LRP1B: variants seen among roughly 807,000 people sequenced by gnomAD.
The protein encoded by LRP1B is LDL receptor related protein 1B, also known as low-density lipoprotein receptor-related protein 1B.
Under a neutral mutation model 556.6 loss-of-function variants are expected in LRP1B, and 217 were observed. The ratio of observed to expected loss-of-function variants is 0.39; its 90% CI spans 0.35 to 0.44. The LOEUF (loss-of-function observed/expected upper bound fraction) is 0.44. Ranked by LOEUF, LRP1B falls within the 20% of genes least tolerant of loss-of-function variation. LRP1B has a pLI of 1.00. For synonymous variants in LRP1B, 2,047 were observed against 1,865.8 expected (o/e 1.10, Z -2.50); for missense variants, 5,053 against 5,620.8 (o/e 0.90, Z 3.23).
At chr2:142,031,377 G>A (rs561900694) in intron 1 of LRP1B, among the ~76,000 whole-genome samples, 27 of 110,188 alleles carry the variant, frequency 2.5e-4, no homozygotes, top group Middle Eastern at 5.7e-3. Flanking sequence ...GGGTACATGT[G>A]CACATTGTGC....
chr2:140,890,179 T>C (rs537057965), intron 23 of LRP1B, among the ~76,000 whole-genome samples: 43 of 87,232 alleles, frequency 4.9e-4, no homozygotes, highest in Middle Eastern at 8.6e-3. Flanking sequence ...GTGTTAAATG[T>C]TGCTTAAAAA....
chr2:140,514,937 C>CT (rs1689826313), intron 50 of LRP1B, among the ~76,000 whole-genome samples, 165 bp from the exon 51 acceptor site: 2 of 151,936 alleles, frequency 1.3e-5, no homozygotes, highest in African/African-American at 4.8e-5. Context: ...TTGGCATCAG[C>CT]TTGCATATTC....
chr2:140,651,705 A>T (rs1034096334), intron 41 of LRP1B, among the ~76,000 whole-genome samples: 2 of 152,106 alleles, frequency 1.3e-5, no homozygotes, highest in African/African-American at 4.8e-5. Context: ...CATGACCTAG[A>T]ATAGTTGCAG....
intron 7 of LRP1B, among the ~76,000 whole-genome samples, chr2:141,081,521 G>A (rs916282663): frequency 6.6e-6 from 1 of 152,124 alleles, no homozygotes; most frequent in Admixed American, 6.5e-5. Flanking sequence ...AACAGTTGGG[G>A]GTGATGATAG....
At chr2:141,187,663 T>C (rs922273374) in intron 7 of LRP1B, among the ~76,000 whole-genome samples, 10 of 152,016 alleles carry the variant, frequency 6.6e-5, no homozygotes, top group African/African-American at 2.4e-4. Flanking sequence ...ATTTGTAAAA[T>C]AAAAGCATAA....
intron 1 of LRP1B, among the ~76,000 whole-genome samples, chr2:142,059,292 G>A (rs1310350543): frequency 1.3e-5 from 2 of 151,938 alleles, no homozygotes; most frequent in Non-Finnish European, 2.9e-5. Context: ...GAATTTTTTG[G>A]TATGGAAATT....
chr2:141,392,209 T>G (rs1024525596), intron 3 of LRP1B, among the ~76,000 whole-genome samples: 4 of 152,136 alleles, frequency 2.6e-5, no homozygotes, highest in African/African-American at 9.7e-5. Flanking sequence ...CTATATTATT[T>G]TACAGATATG....
chr2:141,704,347 T>C (rs942143716), intron 2 of LRP1B, among the ~76,000 whole-genome samples: 2 of 151,978 alleles, frequency 1.3e-5, no homozygotes, highest in Non-Finnish European at 2.9e-5. Flanking sequence ...TAAGGGTGGT[T>C]TAAAAGATCA....
At chr2:140,680,126 C>T (rs1044158747) in intron 41 of LRP1B, among the ~76,000 whole-genome samples, 1 of 151,988 alleles carries the variant, frequency 6.6e-6, no homozygotes, top group African/African-American at 2.4e-5. Context: ...CCAGGGCCCA[C>T]TTAAGAGTAA....
intron 1 of LRP1B, among the ~76,000 whole-genome samples, chr2:142,068,279 T>C: frequency 6.6e-6 from 1 of 151,478 alleles, no homozygotes; most frequent in East Asian, 1.9e-4. Flanking sequence ...TAGGTGCTTT[T>C]ACATTTACTT....
intron 82 of LRP1B, among the ~76,000 whole-genome samples, chr2:140,319,289 A>G (rs1679955137): frequency 6.6e-6 from 1 of 152,162 alleles, no homozygotes; most frequent in Non-Finnish European, 1.5e-5. Flanking sequence ...ATCAGAGCCA[A>G]TGTAAAAGTC....
chr2:140,939,885 A>T (rs1326963027), intron 20 of LRP1B, among the ~76,000 whole-genome samples: 4 of 132,646 alleles, frequency 3.0e-5, no homozygotes, highest in Non-Finnish European at 6.3e-5. Context: ...ATTTGGTGTA[A>T]TTTTTTTTTT....
At chr2:141,168,547 A>C (rs760124645) in intron 7 of LRP1B, among the ~76,000 whole-genome samples, 3 of 152,146 alleles carry the variant, frequency 2.0e-5, no homozygotes, top group Admixed American at 6.6e-5. Flanking sequence ...TTTGCAATTC[A>C]GTCTGTCAAA....
chr2:140,618,361 A>G (rs182213839), intron 41 of LRP1B, among the ~76,000 whole-genome samples: 113 of 152,210 alleles, frequency 7.4e-4, no homozygotes, highest in South Asian at 1.2e-3. Context: ...ATGGCACAAG[A>G]TGTAAAAACC....
intron 1 of LRP1B, among the ~76,000 whole-genome samples, chr2:142,045,666 T>A (rs1425657864): frequency 6.6e-6 from 1 of 151,930 alleles, no homozygotes; most frequent in Non-Finnish European, 1.5e-5. Context: ...TAATCGGTCA[T>A]GCGTAATACA....
chr2:142,003,968 A>T (rs145205857), intron 1 of LRP1B, among the ~76,000 whole-genome samples: 148 of 152,310 alleles, frequency 9.7e-4, no homozygotes, highest in African/African-American at 1.9e-3. Context: ...CAATTGCTAG[A>T]TTGCTACAAA....
intron 2 of LRP1B, among the ~76,000 whole-genome samples, chr2:141,705,094 A>G (rs1692089774): frequency 6.6e-6 from 1 of 152,028 alleles, no homozygotes; most frequent in Admixed American, 6.6e-5. Flanking sequence ...TATAAAAACT[A>G]TGAGAAAACA....
intron 1 of LRP1B, among the ~76,000 whole-genome samples, chr2:142,007,913 G>A (rs1473074059): frequency 1.3e-5 from 2 of 152,026 alleles, no homozygotes; most frequent in Admixed American, 6.5e-5. Flanking sequence ...TCCCTACTTC[G>A]TTCAATTGTT....
chr2:141,067,595 C>G (rs1039663419), intron 7 of LRP1B, among the ~76,000 whole-genome samples: 8 of 151,974 alleles, frequency 5.3e-5, no homozygotes, highest in Admixed American at 5.3e-4. Context: ...GTGGCTGACT[C>G]GTTGAACGTC....
Sources: gnomAD v4.1 joint callset for allele counts (sites outside exome capture counted in the v4.1 genomes callset) on GRCh38, gnomAD v4.1.1 for gene constraint, MANE v1.5 for transcripts, NCBI Gene and HGNC (gene_info 2026-07-23, HGNC 2026-07-21) for gene names.